The following MEGF10 variants were observed in gnomAD, a reference collection of about 807,000 sequenced individuals.
MEGF10 encodes the protein multiple epidermal growth factor-like domains protein 10.
A neutral mutation model predicts 147.5 loss-of-function variants in MEGF10; 86 were observed. That is an observed-to-expected ratio of 0.58 (90% CI 0.49 to 0.70). The LOEUF (loss-of-function observed/expected upper bound fraction) is 0.70, where lower values mean the gene tolerates loss of function less well. Among genes scored for constraint, MEGF10 ranks in the 30% least tolerant of loss-of-function variants. The pLI is 0.00. For missense variants in MEGF10, 1,329 were observed against 1,487.3 expected (o/e 0.89, Z 1.75); for synonymous variants, 478 against 525.5 (o/e 0.91, Z 1.24).
At chr5:127,232,216 T>C in the MEGF10 span, among the ~76,000 whole-genome samples, 1,415 of 152,366 alleles carry the variant, frequency 9.3e-3, 19 homozygotes, top group African/African-American at 0.03. Flanking sequence ...AGCATATGTT[T>C]ATATTTTTCT....
intron 5 of MEGF10, among the ~76,000 whole-genome samples, chr5:127,395,779 C>G (rs1763887336): frequency 1.3e-5 from 2 of 152,004 alleles, no homozygotes. Context: ...TTCCTGACCT[C>G]GTGATCCTCC....
At chr5:127,301,013 A>G (rs1278295113) in intron 1 of MEGF10, among the ~76,000 whole-genome samples, 1 of 152,182 alleles carries the variant, frequency 6.6e-6, no homozygotes, top group African/African-American at 2.4e-5. Context: ...AGAAGACTCT[A>G]TGGATTATGG....
At chr5:127,385,510 T>G (rs1251926213) in intron 5 of MEGF10, among the ~76,000 whole-genome samples, 1 of 152,184 alleles carries the variant, frequency 6.6e-6, no homozygotes. Flanking sequence ...TGACCTCAGG[T>G]GATCTGCCCG....
intron 7 of MEGF10, among the ~76,000 whole-genome samples, chr5:127,401,788 C>T (rs776523476): frequency 6.6e-6 from 1 of 152,150 alleles, no homozygotes; most frequent in Non-Finnish European, 1.5e-5. Context: ...CCTATCCACG[C>T]AAGATTGGAG....
chr5:127,390,427 C>G (rs558928532), intron 5 of MEGF10, among the ~76,000 whole-genome samples: 18 of 152,134 alleles, frequency 1.2e-4, no homozygotes, highest in African/African-American at 4.3e-4. Context: ...GTAGCTGAGA[C>G]TACCAGTGCA....
intron 9 of MEGF10, among the ~76,000 whole-genome samples, chr5:127,412,727 C>T (rs767725023): frequency 4.6e-5 from 7 of 152,276 alleles, no homozygotes; most frequent in South Asian, 4.1e-4. Flanking sequence ...AACCCAATGA[C>T]GTAAAATAAC....
chr5:127,366,056 G>A (rs1360313375), intron 4 of MEGF10, among the ~76,000 whole-genome samples: 2 of 151,936 alleles, frequency 1.3e-5, no homozygotes, highest in East Asian at 1.9e-4. Flanking sequence ...TTTTTCATGT[G>A]GAGCATGTTA....
the MEGF10 span, among the ~76,000 whole-genome samples, chr5:127,251,566 A>T: frequency 6.6e-6 from 1 of 152,102 alleles, no homozygotes; most frequent in Non-Finnish European, 1.5e-5. Flanking sequence ...GAATTACTTT[A>T]CAAATTAGGG....
chr5:127,393,636 C>T (rs1763788792), intron 5 of MEGF10, among the ~76,000 whole-genome samples: 1 of 152,160 alleles, frequency 6.6e-6, no homozygotes, highest in Non-Finnish European at 1.5e-5. Context: ...GAAAATATAG[C>T]CCGAAGTGGG....
In MEGF10 at chr5:127,450,734, C is replaced by T. The variant is rs560890292; in HGVS notation, c.2980+1512C>T. Reference sequence around the variant, plus strand: ...ACTGACCTTTGTGTATTTTCATTTGCTAATGTTTTGTTTTGTTTTGTTTTG... The same window carrying T: ...ACTGACCTTTGTGTATTTTCATTTGTTAATGTTTTGTTTTGTTTTGTTTTG... On this transcript the variant is annotated intron_variant, in intron 22 of 24. Transcript: ENST00000503335. 4.6e-5 allele frequency among the ~76,000 whole-genome samples: 7 copies of T among 151,832 alleles called. No individual in the cohort carries two copies. In the East Asian group the frequency reaches 9.7e-4, roughly 21 times the overall value.
Position 127,339,160 on chromosome 5 carries a change from G to T in MEGF10, c.157G>T (p.Asp53Tyr), listed in dbSNP as rs762153742. The change falls in exon 3 of 25, where the codon GAT becomes TAT. Residue 53 changes from aspartate to tyrosine, a missense_variant. Asp to Tyr is a radical substitution (Grantham distance 160). Transcript: ENST00000503335. ...TVQESYPHPF[D>Y]QIYYTSCTDI... ...GCAAGAGTCATACCCACATCCCTTTGATCAAATTTACTACACGAGCTGCAC... is the reference window on the plus strand; with the variant it reads ...GCAAGAGTCATACCCACATCCCTTTTATCAAATTTACTACACGAGCTGCAC... The T allele has an allele frequency of 2.5e-6, 4 of 1,612,300 alleles. No individual in the cohort carries two copies. The Admixed American group carries it at 5.0e-5, about 20-fold the overall frequency.
chr5:127,241,706 A>G, the MEGF10 span, among the ~76,000 whole-genome samples: 2 of 152,178 alleles, frequency 1.3e-5, no homozygotes, highest in Non-Finnish European at 2.9e-5. Context: ...TTCTGTGGAA[A>G]GTAGAGCTAT....
At chr5:127,418,821 A>G (rs1254772037) in intron 10 of MEGF10, among the ~76,000 whole-genome samples, 1 of 151,220 alleles carries the variant, frequency 6.6e-6, no homozygotes, top group Non-Finnish European at 1.5e-5. Flanking sequence ...TGTCTGAGCA[A>G]TGAAAAAGGG....
intron 4 of MEGF10, among the ~76,000 whole-genome samples, chr5:127,366,345 G>T: frequency 6.6e-6 from 1 of 152,140 alleles, no homozygotes; most frequent in Non-Finnish European, 1.5e-5. Context: ...TGGTGGAAAA[G>T]GGCATGCAGC....
At chr5:127,350,423 G>A (rs1762045167) in intron 4 of MEGF10, among the ~76,000 whole-genome samples, 5 of 152,076 alleles carry the variant, frequency 3.3e-5, no homozygotes, top group Admixed American at 3.3e-4. Flanking sequence ...TGCTGTGCCT[G>A]TCTTGCTTCA....
chr5:127,398,619 C>G, intron 6 of MEGF10, 57 bp from the exon 7 acceptor site: 5 of 1,608,290 alleles, frequency 3.1e-6, no homozygotes, highest in Non-Finnish European at 3.4e-6. Context: ...TACAGTGAAC[C>G]CGAGGGTCAT....
intron 5 of MEGF10, among the ~76,000 whole-genome samples, chr5:127,372,951 C>A (rs1762897320): frequency 6.6e-6 from 1 of 152,176 alleles, no homozygotes; most frequent in Admixed American, 6.5e-5. Context: ...GACTCAAGCT[C>A]CATGTCTTTG....
the MEGF10 span, among the ~76,000 whole-genome samples, chr5:127,257,794 A>T: frequency 6.6e-6 from 1 of 152,198 alleles, no homozygotes; most frequent in Admixed American, 6.5e-5. Context: ...AACTTTTTGG[A>T]GACAAAAAAA....
chr5:127,309,714 A>G (rs755736354), intron 1 of MEGF10, among the ~76,000 whole-genome samples: 1 of 152,090 alleles, frequency 6.6e-6, no homozygotes, highest in Non-Finnish European at 1.5e-5. Flanking sequence ...TGTCATTTCC[A>G]CCTTTTGAGT....
Sources: gnomAD v4.1 joint callset for allele counts (sites outside exome capture counted in the v4.1 genomes callset) on GRCh38, gnomAD v4.1.1 for gene constraint, MANE v1.5 for transcripts, NCBI Gene and HGNC (gene_info 2026-07-23, HGNC 2026-07-21) for gene names.